CSMD1: variants seen among roughly 807,000 people sequenced by gnomAD.
The protein encoded by CSMD1 is CUB and sushi domain-containing protein 1.
CSMD1 carries 213 observed loss-of-function variants against 417.5 expected under a neutral mutation model. The observed-to-expected ratio is 0.51, with a 90% CI of 0.46 to 0.57. CSMD1 has a LOEUF of 0.57. Among genes scored for constraint, CSMD1 ranks in the 20% least tolerant of loss-of-function variants. The pLI, the probability that CSMD1 is intolerant of heterozygous loss-of-function variation, is 0.00. For missense variants in CSMD1, 6,923 were observed against 4,529.7 expected, an observed-to-expected ratio of 1.53 and a Z score of -15.17; for synonymous variants, 2,862 against 1,736.8, an observed-to-expected ratio of 1.65 and a Z score of -16.11.
At chr8:4,726,670 T>C (rs887948132) in intron 1 of CSMD1, among the ~76,000 whole-genome samples, 8 of 152,204 alleles carry the variant, frequency 5.3e-5, no homozygotes, top group African/African-American at 1.7e-4. Flanking sequence ...CCTCTGTTGC[T>C]CTGCTGCTGT....
Position 4,986,709 on chromosome 8 carries a change from T to C in CSMD1, c.85+7623A>G, listed in dbSNP as rs576591731. On this transcript the variant is annotated intron_variant, in intron 1 of 69. Transcript: ENST00000635120. ...ACAAGGAGCTTGAATCTCTGTTTTG[T>C]TGTAAAACTATTAAAAAAAAGAAGA... Among the ~76,000 whole-genome samples the C allele has an allele frequency of 1.1e-3, 165 of 152,250 alleles. 3 individuals are homozygous for C. Among genetic ancestry groups the C allele is most frequent in the Non-Finnish European group, 3.2e-4 (22 of 68,014 alleles).
intron 26 of CSMD1, among the ~76,000 whole-genome samples, chr8:3,256,749 C>A (rs1015879507): frequency 2.0e-5 from 3 of 152,214 alleles, no homozygotes; most frequent in Non-Finnish European, 4.4e-5. Flanking sequence ...TAAATCCTGA[C>A]TCAGAAAAGG....
chr8:4,594,227 G>A lies in CSMD1; in HGVS notation c.302+43115C>T, dbSNP rs1477093089. 1.3e-4 allele frequency among the ~76,000 whole-genome samples: 12 copies of A among 89,876 alleles called. 1 individual carries two copies. The highest frequency in any genetic ancestry group is 6.8e-4 in the East Asian group (2 of 2,956). 59.0% of individuals were successfully genotyped at this position (89,876 alleles called of 152,430 possible). A position where few individuals can be genotyped will look rare whatever the true frequency, so the allele number is the denominator to read the frequency against. ...TTTTTTTTTTTTTTTTCTCTGAGAC[G>A]GGGTCTTGCTCTGTTACCCAGGCTG... On this transcript the variant is annotated intron_variant, in intron 2 of 69. Coordinates refer to ENST00000635120, the MANE Select transcript of CSMD1 (RefSeq NM_033225.6).
At chr8:3,139,905 CTTTTT>C (rs56391105) in intron 41 of CSMD1, among the ~76,000 whole-genome samples, 1 of 127,128 alleles carries the variant, frequency 7.9e-6, no homozygotes, top group Admixed American at 7.9e-5. Context: ...TTCTTTCTTT[CTTTTT>C]TTTTTTTTTT....
chr8:4,854,105 G>C (rs796141849), intron 1 of CSMD1, among the ~76,000 whole-genome samples: 8 of 152,266 alleles, frequency 5.3e-5, no homozygotes, highest in African/African-American at 1.7e-4. Context: ...ATGAGACATA[G>C]AACTTTTGAG....
chr8:4,344,527 T>C (rs540497430), intron 3 of CSMD1, among the ~76,000 whole-genome samples: 2 of 151,028 alleles, frequency 1.3e-5, no homozygotes, highest in East Asian at 3.9e-4. Flanking sequence ...GTCAGAAATA[T>C]ATATAAATAA....
At chr8:4,533,954 A>G (rs1796965427) in intron 2 of CSMD1, among the ~76,000 whole-genome samples, 1 of 149,222 alleles carries the variant, frequency 6.7e-6, no homozygotes, top group Non-Finnish European at 1.5e-5. Flanking sequence ...ATATTTATAT[A>G]TATAAATATA....
chr8:4,916,660 G>C (rs1806086022), intron 1 of CSMD1, among the ~76,000 whole-genome samples: 1 of 152,190 alleles, frequency 6.6e-6, no homozygotes, highest in South Asian at 2.1e-4. Flanking sequence ...TTTACACAAA[G>C]AGTCTAGGCA....
chr8:4,409,719 T>A (rs943080549), intron 3 of CSMD1, among the ~76,000 whole-genome samples: 1 of 151,352 alleles, frequency 6.6e-6, no homozygotes, highest in African/African-American at 2.4e-5. Flanking sequence ...GGACACAGGC[T>A]TCCCAAGATG....
intron 21 of CSMD1, among the ~76,000 whole-genome samples, chr8:3,356,672 T>A (rs894997462): frequency 6.6e-6 from 1 of 151,092 alleles, no homozygotes; most frequent in Non-Finnish European, 1.5e-5. Flanking sequence ...CAAAACTCCA[T>A]CTCAAAACAA....
chr8:4,208,895 A>G (rs1209814738), intron 3 of CSMD1, among the ~76,000 whole-genome samples: 1 of 152,078 alleles, frequency 6.6e-6, no homozygotes, highest in Admixed American at 6.6e-5. Flanking sequence ...GATTTTCTTA[A>G]ATTTCTTTTT....
chr8:4,411,921 A>C (rs1796669050), intron 3 of CSMD1, among the ~76,000 whole-genome samples: 1 of 152,082 alleles, frequency 6.6e-6, no homozygotes. Context: ...ATAGGACTAA[A>C]AGGAATTATT....
Position 4,032,067 on chromosome 8 carries a change from C to T in CSMD1, c.448G>A (p.Glu150Lys). 1.9e-6 allele frequency: 3 copies of T among 1,613,206 alleles called. No individual in the cohort carries two copies. The highest frequency in any genetic ancestry group is 2.5e-6 in the Non-Finnish European group (3 of 1,179,436). ...LPSHTCGNPG[E>K]ILKGVLHGTR... is the part of the protein sequence containing the mutation. Reference sequence around the variant, plus strand: ...CCATGCAGAACTCCTTTCAGGATTTCTCCAGGATTTCCACAAGTGTGGCTA... The same window carrying T: ...CCATGCAGAACTCCTTTCAGGATTTTTCCAGGATTTCCACAAGTGTGGCTA... Residue 150 changes from glutamate (E) to lysine (K), a missense_variant, in exon 4 of 70, where the codon GAA becomes AAA. Transcript: ENST00000635120.
intron 15 of CSMD1, 100 bp from the exon 16 acceptor site, chr8:3,399,629 A>C (rs1020080418): frequency 3.4e-6 from 3 of 878,144 alleles, no homozygotes; most frequent in Admixed American, 3.6e-5. Flanking sequence ...GTGTTCATAG[A>C]CTGAATATTT....
At chr8:2,940,227 A>G (rs758461457) in intron 69 of CSMD1, among the ~76,000 whole-genome samples, 1 of 152,204 alleles carries the variant, frequency 6.6e-6, no homozygotes. Flanking sequence ...TGCTGCTGGC[A>G]ACTGAGCCCT....
rs902713834 is a variant in CSMD1 at position 3,113,327 on chromosome 8, A to C, written c.6431-2992T>G. 4 of 152,252 alleles carry C rather than the reference A, an allele frequency of 2.6e-5. 1 individual carries two copies. The highest frequency in any genetic ancestry group is 9.7e-5 in the African/African-American group (4 of 41,450). The allele number at this position is 152,252 out of a possible 1,614,324, so 9.4% of individuals were successfully genotyped here. A position where few individuals can be genotyped will look rare whatever the true frequency, so the allele number is the denominator to read the frequency against. On this transcript the variant is annotated intron_variant, in intron 42 of 69. Transcript: ENST00000635120. ...CTCCCTCCACTCTCAGGAGCCATGGAGTAAAGAGACGCGCAGGCATTTCCG... is the reference window on the plus strand; with the variant it reads ...CTCCCTCCACTCTCAGGAGCCATGGCGTAAAGAGACGCGCAGGCATTTCCG...
chr8:3,504,220 A>C (rs1796728759), intron 10 of CSMD1, among the ~76,000 whole-genome samples: 1 of 150,184 alleles, frequency 6.7e-6, no homozygotes, highest in African/African-American at 2.5e-5. Flanking sequence ...AAACAGGTAC[A>C]ATTATTATGT....
chr8:3,105,565 A>C (rs2129014220), intron 46 of CSMD1, among the ~76,000 whole-genome samples: 1 of 152,370 alleles, frequency 6.6e-6, no homozygotes, highest in Non-Finnish European at 1.5e-5. Context: ...GTCTTCTAAT[A>C]GATTAAATCA....
At position 4,969,655 on chromosome 8, in the gene CSMD1, C is replaced by A. The variant is rs182358473; in HGVS notation, c.85+24677G>T. 3.4e-4 allele frequency among the ~76,000 whole-genome samples: 52 copies of A among 152,052 alleles called. 1 individual carries two copies. The highest frequency in any genetic ancestry group is 2.1e-3 in the Admixed American group (32 of 15,214). On this transcript the variant is annotated intron_variant, in intron 1 of 69. Transcript: ENST00000635120. Reference sequence around the variant, plus strand: ...TTGAACATGTTGTTCATTTTGAGCCCATTGATTTCGAGGTGTGTCAATATT... The same window carrying A: ...TTGAACATGTTGTTCATTTTGAGCCAATTGATTTCGAGGTGTGTCAATATT...
Sources: allele counts gnomAD v4.1 joint callset (sites outside exome capture counted in the v4.1 genomes callset), GRCh38; gene constraint gnomAD v4.1.1; transcripts MANE v1.5; gene names NCBI Gene and HGNC (gene_info 2026-07-23, HGNC 2026-07-21).